The following GABARAPL1 variants were observed in gnomAD, a reference collection of about 807,000 sequenced individuals.
The protein encoded by GABARAPL1 is GABA type A receptor associated protein like 1.
Under a neutral mutation model 14.5 loss-of-function variants are expected in GABARAPL1, and 4 were observed. That is an observed-to-expected ratio of 0.28 (90% confidence interval 0.14 to 0.63). The LOEUF (loss-of-function observed/expected upper bound fraction) is 0.63. Among genes scored for constraint, GABARAPL1 ranks in the 30% least tolerant of loss-of-function variants. The pLI, the probability that GABARAPL1 is intolerant of heterozygous loss-of-function variation, is 0.84. For missense variants in GABARAPL1, 82 were observed against 139.2 expected, an observed-to-expected ratio of 0.59 and a Z score of 2.07; for synonymous variants, 47 against 50.6, an observed-to-expected ratio of 0.93 and a Z score of 0.30.
At chr12:10,221,696 A>G in intron 3 of GABARAPL1, 91 bp from the exon 4 acceptor site, 2 of 1,430,734 alleles carry the variant, frequency 1.4e-6, no homozygotes, top group Non-Finnish European at 1.9e-6. Context: ...GATACCTTCC[A>G]TACCTGCTTT....
At chr12:10,217,387 A>AGAAAT (rs1220338844) in intron 1 of GABARAPL1, among the ~76,000 whole-genome samples, 87 of 152,304 alleles carry the variant, frequency 5.7e-4, no homozygotes, top group Non-Finnish European at 1.2e-3. Context: ...AATAACTTAC[A>AGAAAT]GGTGATCAGG....
intron 3 of GABARAPL1, chr12:10,221,226 G>A (rs1949118929): frequency 4.2e-5 from 41 of 976,010 alleles, no homozygotes; most frequent in Non-Finnish European, 5.0e-5. Flanking sequence ...ATGGATTCAT[G>A]TCTTAACAGA....
At chr12:10,216,537 CTTTTTTTT>C (rs71049067) in intron 1 of GABARAPL1, among the ~76,000 whole-genome samples, 2 of 112,212 alleles carry the variant, frequency 1.8e-5, no homozygotes, top group African/African-American at 3.5e-5. Flanking sequence ...ATTTTCTTTT[CTTTTTTTT>C]TTTTTTTTTT....
Position 10,213,055 on chromosome 12 carries a change from C to T in GABARAPL1, c.-75C>T. ...TATTCTGAGCACACCTTGACGTCGG[C>T]TGAGGGAGCGGGACAGGGTCAGCGG... On this transcript the variant is annotated 5_prime_UTR_variant, in exon 1 of 4. Transcript: ENST00000266458. The T allele has an allele frequency of 1.1e-6, 1 of 871,292 alleles. No homozygotes were observed. 54.0% of individuals were successfully genotyped at this position (871,292 alleles called of 1,614,324 possible).
intron 3 of GABARAPL1, chr12:10,220,888 T>G: frequency 7.2e-7 from 1 of 1,397,322 alleles, no homozygotes; most frequent in Non-Finnish European, 9.3e-7. Flanking sequence ...CCATCGCAGT[T>G]CCTGCTATTC....
chr12:10,220,764 C>G, intron 3 of GABARAPL1: 1 of 1,489,174 alleles, frequency 6.7e-7, no homozygotes, highest in Admixed American at 2.1e-5. Flanking sequence ...TAGATTTAAT[C>G]CTTCTGAAAT....
intron 1 of GABARAPL1, chr12:10,213,432 T>G (rs1949069537): frequency 1.6e-6 from 1 of 616,178 alleles, no homozygotes; most frequent in African/African-American, 1.8e-5. Flanking sequence ...GAACCCCACT[T>G]CAGGGCTGAC....
chr12:10,218,259 T>C (rs1219093789), intron 2 of GABARAPL1, 118 bp downstream of exon 2: 1 of 729,916 alleles, frequency 1.4e-6, no homozygotes, highest in Non-Finnish European at 2.5e-6. Flanking sequence ...GTGAGTGGGA[T>C]GCTCTGGAGT....
intron 3 of GABARAPL1, chr12:10,220,894 T>C: frequency 7.2e-7 from 1 of 1,392,464 alleles, no homozygotes; most frequent in African/African-American, 1.4e-5. Flanking sequence ...CAGTTCCTGC[T>C]ATTCTGGTTG....
intron 3 of GABARAPL1, chr12:10,221,424 T>C: frequency 1.1e-6 from 1 of 952,340 alleles, no homozygotes; most frequent in Non-Finnish European, 1.3e-6. Context: ...CGTAAACTTC[T>C]AATAATCCTG....
intron 3 of GABARAPL1, chr12:10,221,415 G>A (rs1002380441): frequency 2.0e-5 from 19 of 956,130 alleles, no homozygotes; most frequent in Admixed American, 1.8e-4. Flanking sequence ...AATGAATTAC[G>A]TAAACTTCTA....
chr12:10,213,398 T>A, intron 1 of GABARAPL1, 179 bp downstream of exon 1: 1 of 676,524 alleles, frequency 1.5e-6, no homozygotes. Flanking sequence ...GTAGAGCTTT[T>A]AAAACCCCGT....
Position 10,218,887 on chromosome 12 carries a change from T to C in GABARAPL1, c.169+746T>C, listed in dbSNP as rs543575570. ...CCATACCCGGCTACTTTTTTTGGTA[T>C]TTTTAGTAGAGACAGGGTTTCACCA... On this transcript the variant is annotated intron_variant, in intron 2 of 3. Coordinates refer to ENST00000266458, the MANE Select transcript of GABARAPL1 (RefSeq NM_031412.4). Among the ~76,000 whole-genome samples, 9 of 151,760 alleles carry C rather than the reference T, an allele frequency of 5.9e-5. No homozygotes were observed. The South Asian group carries it at 1.5e-3, about 24-fold the overall frequency.
At chr12:10,214,612 T>G (rs1396173178) in intron 1 of GABARAPL1, 2 of 151,088 alleles carry the variant, frequency 1.3e-5, no homozygotes, top group Non-Finnish European at 2.9e-5. Context: ...AGCGGTATTA[T>G]AAGTACTCAG....
chr12:10,220,355 T>C (rs1449728261), intron 2 of GABARAPL1, 85 bp from the exon 3 acceptor site: 13 of 1,582,282 alleles, frequency 8.2e-6, no homozygotes, highest in East Asian at 4.5e-5. Flanking sequence ...AAAAATGCAA[T>C]TGAATTTTTT....
chr12:10,215,091 C>T (rs1241472565), intron 1 of GABARAPL1, among the ~76,000 whole-genome samples: 7 of 152,130 alleles, frequency 4.6e-5, no homozygotes, highest in Non-Finnish European at 8.8e-5. Context: ...CTAGTTATGA[C>T]GCAGGTTCCT....
At chr12:10,221,133 C>T (rs1428141774) in intron 3 of GABARAPL1, 1 of 984,298 alleles carries the variant, frequency 1.0e-6, no homozygotes, top group African/African-American at 1.7e-5. Flanking sequence ...TAGAACAAAA[C>T]TAAAACTGTG....
At chr12:10,218,639 A>G (rs533943403) in intron 2 of GABARAPL1, among the ~76,000 whole-genome samples, 2 of 152,282 alleles carry the variant, frequency 1.3e-5, no homozygotes, top group South Asian at 2.1e-4. Context: ...ACAGCAAAGC[A>G]TAAGACATTG....
intron 1 of GABARAPL1, chr12:10,214,102 A>G (rs2137584809): frequency 3.3e-6 from 1 of 300,238 alleles, no homozygotes; most frequent in South Asian, 2.7e-5. Flanking sequence ...AGGGCAGAAT[A>G]TGGCTTAAGT....
Sources: allele counts gnomAD v4.1 joint callset (sites outside exome capture counted in the v4.1 genomes callset), GRCh38; gene constraint gnomAD v4.1.1; transcripts MANE v1.5; gene names NCBI Gene and HGNC (gene_info 2026-07-23, HGNC 2026-07-21).